Variants in POU6F1 observed in about 807,000 individuals in gnomAD.
POU6F1 encodes POU class 6 homeobox 1.
POU6F1 carries 9 observed loss-of-function variants against 28.9 expected under a neutral mutation model. The ratio of observed to expected loss-of-function variants is 0.31; its 90% CI spans 0.19 to 0.54. The LOEUF (loss-of-function observed/expected upper bound fraction) is 0.54, where lower values mean the gene tolerates loss of function less well. Among genes scored for constraint, POU6F1 ranks in the 20% least tolerant of loss-of-function variants. POU6F1 has a pLI of 0.94. For missense variants in POU6F1, 338 were observed against 426.1 expected (o/e 0.79, Z 1.82); for synonymous variants, 173 against 171.1 (o/e 1.01, Z -0.09).
At chr12:51,216,309 T>C (rs1003317620) in intron 1 of POU6F1, among the ~76,000 whole-genome samples, 5 of 152,250 alleles carry the variant, frequency 3.3e-5, no homozygotes, top group African/African-American at 1.2e-4. Flanking sequence ...GAGCAAATTT[T>C]TTCTGAGTCA....
At chr12:51,193,040 G>A (rs964415850) in intron 8 of POU6F1, among the ~76,000 whole-genome samples, 2 of 152,158 alleles carry the variant, frequency 1.3e-5, no homozygotes, top group Non-Finnish European at 2.9e-5. Context: ...ACAGGCAGGC[G>A]AGAGGCTCAG....
Position 51,190,113 on chromosome 12 carries a change from C to A in POU6F1, c.*134G>T. On this transcript the variant is annotated 3_prime_UTR_variant, in exon 11 of 11. Coordinates refer to ENST00000333640, the MANE Select transcript of POU6F1 (RefSeq NM_001330422.2). This position sits in a 1 kb window ranked among gnomAD's most constrained non-coding sequence, Gnocchi z 4.5. ...AAAGAGGGACATTGATGCACATGCA[C>A]ACGGTGGAGTCTGATGACCTGGGGT... The A allele has an allele frequency of 7.2e-7, 1 of 1,397,056 alleles. No individual in the cohort carries two copies. Among genetic ancestry groups the A allele is most frequent in the South Asian group, 1.4e-5 (1 of 69,452 alleles). The allele number at this position is 1,397,056 out of a possible 1,614,324, so 86.5% of individuals were successfully genotyped here.
chr12:51,209,688 T>C (rs961351295), intron 1 of POU6F1, among the ~76,000 whole-genome samples: 1 of 152,206 alleles, frequency 6.6e-6, no homozygotes, highest in Non-Finnish European at 1.5e-5. Context: ...AGCATCTTCA[T>C]TGCTTGGCAG....
intron 1 of POU6F1, among the ~76,000 whole-genome samples, chr12:51,212,073 TGTTTTTTTTG>T (rs1944027199): frequency 4.6e-5 from 5 of 108,998 alleles, no homozygotes; most frequent in East Asian, 8.4e-4. Flanking sequence ...TTTTTTTTTT[TGTTTTTTTTG>T]TTTTGTTTGT....
chr12:51,215,424 G>A (rs1334697792), intron 1 of POU6F1, among the ~76,000 whole-genome samples: 6 of 151,718 alleles, frequency 4.0e-5, no homozygotes, highest in African/African-American at 1.5e-4. Flanking sequence ...GCATGGTGGT[G>A]TGCGCCTATA....
In POU6F1 at chr12:51,190,091, G is replaced by A; in HGVS notation, c.*156C>T. On this transcript the variant is annotated 3_prime_UTR_variant, in exon 11 of 11. Coordinates refer to ENST00000333640, the MANE Select transcript of POU6F1 (RefSeq NM_001330422.2). The surrounding 1 kb of genome is among the most constrained non-coding windows in gnomAD (Gnocchi z 4.5). ...ATGATGTGAGATGTGTGGGAGAAAA[G>A]AGGGACATTGATGCACATGCACACG... The A allele has an allele frequency of 7.6e-7, 1 of 1,315,662 alleles. No homozygotes were observed. The highest frequency in any genetic ancestry group is 2.5e-5 in the East Asian group (1 of 39,410). The allele number at this position is 1,315,662 out of a possible 1,614,324, so 81.5% of individuals were successfully genotyped here.
intron 7 of POU6F1, 144 bp downstream of exon 7, chr12:51,196,655 G>T: frequency 9.9e-7 from 1 of 1,006,994 alleles, no homozygotes; most frequent in East Asian, 2.6e-5. Flanking sequence ...CTTCAGCATC[G>T]GCAGAAAGCC....
intron 1 of POU6F1, among the ~76,000 whole-genome samples, chr12:51,212,282 C>CG (rs1221052048): frequency 6.6e-6 from 1 of 151,428 alleles, no homozygotes; most frequent in Non-Finnish European, 1.5e-5. Context: ...TTAGTAGAGA[C>CG]GGGGTTTCAC....
chr12:51,209,128 C>T (rs986240696), intron 1 of POU6F1, among the ~76,000 whole-genome samples: 4 of 152,168 alleles, frequency 2.6e-5, no homozygotes, highest in African/African-American at 9.7e-5. Context: ...AAACAGACTA[C>T]GATAAATTCA....
At chr12:51,196,610 C>A (rs1280430595) in intron 7 of POU6F1, among the ~76,000 whole-genome samples, 189 bp downstream of exon 7, 1 of 152,240 alleles carries the variant, frequency 6.6e-6, no homozygotes, top group Non-Finnish European at 1.5e-5. Context: ...ATGTGAGCAC[C>A]TCCAGGACAG....
chr12:51,215,967 T>C (rs1350137705), intron 1 of POU6F1, among the ~76,000 whole-genome samples: 1 of 152,178 alleles, frequency 6.6e-6, no homozygotes, highest in Admixed American at 6.5e-5. Context: ...TTGCTATTAT[T>C]TTGAACTGAA....
At chr12:51,191,323 T>A (rs555266809) in intron 10 of POU6F1, among the ~76,000 whole-genome samples, 216 of 152,354 alleles carry the variant, frequency 1.4e-3, no homozygotes, top group African/African-American at 5.0e-3. Flanking sequence ...CCTGCTAGAA[T>A]TCCTCAGTGG....
chr12:51,209,066 ATT>A (rs894649463), intron 1 of POU6F1, among the ~76,000 whole-genome samples: 1 of 152,188 alleles, frequency 6.6e-6, no homozygotes, highest in Non-Finnish European at 1.5e-5. Flanking sequence ...TGAGAAATAA[ATT>A]TCTGTTGTTT....
In POU6F1 at chr12:51,204,290, T is replaced by C. The variant is rs2137173307; in HGVS notation, c.127A>G (p.Ser43Gly). The C allele has an allele frequency of 2.5e-6, 1 of 399,098 alleles. No individual in the cohort carries two copies. The allele number at this position is 399,098 out of a possible 1,614,324, so 24.7% of individuals were successfully genotyped here. A position where few individuals can be genotyped will look rare whatever the true frequency, so the allele number is the denominator to read the frequency against. Reference protein sequence around the residue: ...VDAQLPAEEESKGLEGVAAEG... With the variant: ...VDAQLPAEEEGKGLEGVAAEG... ...GCGGCCACACCCTCCAGTCCTTTGC[T>C]CTCTTCCTCAGCAGGGAGTTGGGCA... The change falls in exon 3 of 11, where the codon AGC becomes GGC. Residue 43 changes from serine (S) to glycine (G), a missense_variant. Physicochemically the swap from Ser to Gly is moderately conservative, Grantham distance 56 (BLOSUM62 0). Coordinates refer to ENST00000333640, the MANE Select transcript of POU6F1 (RefSeq NM_001330422.2).
intron 1 of POU6F1, among the ~76,000 whole-genome samples, chr12:51,209,114 G>C (rs748527594): frequency 3.5e-4 from 54 of 152,180 alleles, no homozygotes; most frequent in Admixed American, 6.5e-5. Flanking sequence ...TGTTATAGCA[G>C]CCCAAACAGA....
At chr12:51,208,201 C>G (rs529437763) in intron 1 of POU6F1, among the ~76,000 whole-genome samples, 58 of 151,232 alleles carry the variant, frequency 3.8e-4, no homozygotes, top group Non-Finnish European at 6.8e-4. Context: ...ATCGCTTGAG[C>G]CTGGGAGGTG....
chr12:51,215,425 T>C (rs1291332925), intron 1 of POU6F1, among the ~76,000 whole-genome samples: 2 of 151,568 alleles, frequency 1.3e-5, no homozygotes, highest in Non-Finnish European at 2.9e-5. Flanking sequence ...CATGGTGGTG[T>C]GCGCCTATAG....
In POU6F1 at chr12:51,190,133, T is replaced by A. The variant is rs1366731642; in HGVS notation, c.*114A>T. On this transcript the variant is annotated 3_prime_UTR_variant, in exon 11 of 11. Coordinates refer to ENST00000333640, the MANE Select transcript of POU6F1 (RefSeq NM_001330422.2). The surrounding 1 kb of genome is among the most constrained non-coding windows in gnomAD (Gnocchi z 4.5). ...ATGCACACGGTGGAGTCTGATGACC[T>A]GGGGTGAGCACAGCTGCACGTGGCA... 5.5e-6 allele frequency: 8 copies of A among 1,454,420 alleles called. No individual in the cohort carries two copies. Among genetic ancestry groups the A allele is most frequent in the Non-Finnish European group, 7.3e-6 (8 of 1,097,726 alleles). 90.1% of individuals were successfully genotyped at this position (1,454,420 alleles called of 1,614,324 possible).
intron 1 of POU6F1, among the ~76,000 whole-genome samples, chr12:51,216,195 AG>A (rs1944278384): frequency 6.6e-6 from 1 of 152,212 alleles, no homozygotes; most frequent in Admixed American, 6.5e-5. Flanking sequence ...CTCAAAAAAA[AG>A]AAAATGTAAA....
Sources: allele counts gnomAD v4.1 joint callset (sites outside exome capture counted in the v4.1 genomes callset), GRCh38; gene constraint gnomAD v4.1.1; non-coding constraint Gnocchi (gnomAD v3.1); transcripts MANE v1.5; gene names NCBI Gene and HGNC (gene_info 2026-07-23, HGNC 2026-07-21).